Variants in CFAP99 observed in about 807,000 individuals in gnomAD.
CFAP99 encodes the protein cilia and flagella associated protein 99, also known as cilia- and flagella-associated protein 99.
CFAP99 carries 84 observed loss-of-function variants against 82.7 expected under a neutral mutation model. The ratio of observed to expected loss-of-function variants is 1.02; its 90% CI spans 0.85 to 1.22. The LOEUF (loss-of-function observed/expected upper bound fraction) is 1.22. Ranked by LOEUF, CFAP99 falls within the 50% of genes most tolerant of loss-of-function variation. CFAP99 has a pLI of 0.00. For synonymous variants in CFAP99, 456 were observed against 429.5 expected (o/e 1.06, Z -0.76); for missense variants, 1,059 against 983.5 (o/e 1.08, Z -1.03).
At chr4:2,455,780 T>C (rs1483682159) in intron 11 of CFAP99, among the ~76,000 whole-genome samples, 1 of 152,218 alleles carries the variant, frequency 6.6e-6, no homozygotes, top group Admixed American at 6.5e-5. Context: ...GCTACATGCA[T>C]TCATGTGACT....
At chr4:2,441,885 C>T (rs945368856) in intron 4 of CFAP99, among the ~76,000 whole-genome samples, 2 of 152,174 alleles carry the variant, frequency 1.3e-5, no homozygotes, top group Non-Finnish European at 2.9e-5. Context: ...GAGTGGTGGG[C>T]GGTGACATGG....
intron 2 of CFAP99, among the ~76,000 whole-genome samples, chr4:2,431,091 G>T: frequency 6.7e-6 from 1 of 149,018 alleles, no homozygotes; most frequent in African/African-American, 2.5e-5. Flanking sequence ...AATGTTGGCC[G>T]GGCGCGGTGG....
chr4:2,422,379 C>T (rs1369801316), intron 1 of CFAP99, among the ~76,000 whole-genome samples: 1 of 152,154 alleles, frequency 6.6e-6, no homozygotes, highest in Non-Finnish European at 1.5e-5. Context: ...CCCCCGTCCC[C>T]ATCTTCAACT....
At chr4:2,458,761 C>T (rs1351591610) in exon 12 of CFAP99, 2 of 1,535,710 alleles carry the variant, frequency 1.3e-6, no homozygotes, top group Non-Finnish European at 1.7e-6. Flanking sequence ...AGAGACGGCT[C>T]CGGGAGGACA....
chr4:2,437,153 G>T, intron 3 of CFAP99, 135 bp downstream of exon 3: 1 of 1,071,538 alleles, frequency 9.3e-7, no homozygotes. Flanking sequence ...GAGGCTTCCC[G>T]GCTCCTCACC....
chr4:2,422,521 A>G (rs568316768), intron 1 of CFAP99, among the ~76,000 whole-genome samples: 1 of 152,282 alleles, frequency 6.6e-6, no homozygotes, highest in South Asian at 2.1e-4. Flanking sequence ...TCCTTTCTCC[A>G]GAATGCTCCA....
intron 1 of CFAP99, among the ~76,000 whole-genome samples, chr4:2,426,117 G>A (rs1733677576): frequency 6.6e-6 from 1 of 152,208 alleles, no homozygotes; most frequent in Middle Eastern, 3.2e-3. Context: ...ACCCCATCCA[G>A]GAGGCATGGC....
Position 2,448,343 on chromosome 4 carries a change from C to A in CFAP99, c.643-1327C>A, listed in dbSNP as rs1734218318. Among the ~76,000 whole-genome samples, 2 of 152,190 alleles carry A rather than the reference C, an allele frequency of 1.3e-5. No individual in the cohort carries two copies. The highest frequency in any genetic ancestry group is 1.3e-4 in the Admixed American group (2 of 15,276). The stretch of plus-strand genomic sequence containing the variant: ...TCCTCCCATGCTCTATAGCTGTGTG[C>A]CTCTCAGTACAATCTGTGAGATGTT... On this transcript the variant is annotated intron_variant, in intron 6 of 14. Transcript: ENST00000635017. The surrounding 1 kb of genome is among the most constrained non-coding windows in gnomAD (Gnocchi z 5.2).
chr4:2,460,123 G>A (rs1268677472), exon 14 of CFAP99: 7 of 1,536,144 alleles, frequency 4.6e-6, no homozygotes, highest in Non-Finnish European at 3.5e-6. Flanking sequence ...AGCGGCGCAA[G>A]GAGGAAGAAA....
intron 13 of CFAP99, 121 bp downstream of exon 13, chr4:2,459,379 G>T: frequency 8.3e-7 from 1 of 1,202,034 alleles, no homozygotes. Flanking sequence ...CCTGAAACCT[G>T]GCCCGCCACC....
intron 4 of CFAP99, among the ~76,000 whole-genome samples, chr4:2,440,436 G>A (rs1237754005): frequency 2.7e-5 from 4 of 149,964 alleles, no homozygotes; most frequent in East Asian, 2.1e-4. Flanking sequence ...GTGAGCCACC[G>A]CGCCCGGCCG....
chr4:2,461,358 G>A (rs1055779190), intron 14 of CFAP99, among the ~76,000 whole-genome samples: 1 of 152,228 alleles, frequency 6.6e-6, no homozygotes, highest in Non-Finnish European at 1.5e-5. Flanking sequence ...GGGACTAGGT[G>A]TGGTGGATGG....
At chr4:2,441,706 C>A (rs571379945) in intron 4 of CFAP99, among the ~76,000 whole-genome samples, 1 of 152,216 alleles carries the variant, frequency 6.6e-6, no homozygotes, top group Non-Finnish European at 1.5e-5. Flanking sequence ...CACCCCATGC[C>A]CCGCTGGGCC....
At chr4:2,453,608 C>T (rs1293525534) in intron 11 of CFAP99, among the ~76,000 whole-genome samples, 1 of 152,016 alleles carries the variant, frequency 6.6e-6, no homozygotes, top group Non-Finnish European at 1.5e-5. Context: ...TGATTTGCAT[C>T]TCATTTATTT....
At chr4:2,432,257 T>G (rs574773125) in intron 2 of CFAP99, among the ~76,000 whole-genome samples, 57 of 152,330 alleles carry the variant, frequency 3.7e-4, no homozygotes, top group Non-Finnish European at 5.3e-4. Flanking sequence ...ATAAGGCATG[T>G]GCCAGCTGAA....
intron 1 of CFAP99, among the ~76,000 whole-genome samples, chr4:2,426,079 T>C (rs1302627157): frequency 6.6e-6 from 1 of 152,190 alleles, no homozygotes; most frequent in Non-Finnish European, 1.5e-5. Context: ...GTGCCTGTGC[T>C]CTCTGCCGTG....
intron 2 of CFAP99, chr4:2,426,817 T>C: frequency 1.9e-6 from 1 of 529,628 alleles, no homozygotes; most frequent in Non-Finnish European, 3.4e-6. Flanking sequence ...ACCCGGGATA[T>C]GACATCCACA....
chr4:2,437,249 G>A (rs1733937672), intron 3 of CFAP99, among the ~76,000 whole-genome samples: 1 of 152,212 alleles, frequency 6.6e-6, no homozygotes, highest in South Asian at 2.1e-4. Flanking sequence ...TGCCACCCCA[G>A]TTTAGGGCAT....
In CFAP99 at chr4:2,447,555, G is replaced by A. The variant is rs559381771; in HGVS notation, c.643-2115G>A. 8.6e-5 allele frequency among the ~76,000 whole-genome samples: 13 copies of A among 151,402 alleles called. 1 individual carries two copies. The South Asian group carries it at 2.7e-3, about 31-fold the overall frequency. ...TGGATAGATGGATGAACAGATGGGT[G>A]GATGGATGATGAGATGAGTTTATGG... On this transcript the variant is annotated intron_variant, in intron 6 of 14. Transcript: ENST00000635017.
Sources: allele counts gnomAD v4.1 joint callset (sites outside exome capture counted in the v4.1 genomes callset), GRCh38; gene constraint gnomAD v4.1.1; non-coding constraint Gnocchi (gnomAD v3.1); transcripts MANE v1.5; gene names NCBI Gene and HGNC (gene_info 2026-07-23, HGNC 2026-07-21).